The following LINGO2 variants were observed in gnomAD, a reference collection of about 807,000 sequenced individuals.
The protein encoded by LINGO2 is leucine-rich repeat and immunoglobulin-like domain-containing nogo receptor-interacting protein 2.
A neutral mutation model predicts 30.6 loss-of-function variants in LINGO2; 14 were observed. That is an observed-to-expected ratio of 0.46 (90% CI 0.30 to 0.72). LINGO2 has a LOEUF of 0.72. Ranked by LOEUF, LINGO2 falls within the 30% of genes least tolerant of loss-of-function variation. LINGO2 has a pLI of 0.07. For missense variants in LINGO2, 729 were observed against 751.7 expected (o/e 0.97, Z 0.35); for synonymous variants, 317 against 288.5 (o/e 1.10, Z -1.00).
chr9:29,055,940 G>GTGTATATATATATATGTGTATATATA, the LINGO2 span, among the ~76,000 whole-genome samples: 1 of 119,982 alleles, frequency 8.3e-6, no homozygotes, highest in Non-Finnish European at 1.8e-5. Flanking sequence ...ATGTGTGTGT[G>GTGTATATATATATATGTGTATATATA]TATATATACA....
chr9:28,957,691 T>A, the LINGO2 span, among the ~76,000 whole-genome samples: 1 of 152,144 alleles, frequency 6.6e-6, no homozygotes, highest in Non-Finnish European at 1.5e-5. Context: ...GTTTTTGTTG[T>A]TTTGATTGTT....
At chr9:28,214,846 C>A (rs527303886) in intron 4 of LINGO2, among the ~76,000 whole-genome samples, 10 of 151,708 alleles carry the variant, frequency 6.6e-5, no homozygotes, top group African/African-American at 2.4e-4. Context: ...GGAAACAAAT[C>A]AGCTTATTTC....
the LINGO2 span, among the ~76,000 whole-genome samples, chr9:29,147,962 T>C: frequency 6.6e-6 from 1 of 152,098 alleles, no homozygotes; most frequent in Non-Finnish European, 1.5e-5. Context: ...ATATTATGTA[T>C]AGCGATAGCA....
the LINGO2 span, among the ~76,000 whole-genome samples, chr9:29,050,063 T>C: frequency 6.6e-6 from 1 of 152,030 alleles, no homozygotes; most frequent in Non-Finnish European, 1.5e-5. Flanking sequence ...TATTGCTGTG[T>C]CACCCAGGCT....
intron 4 of LINGO2, among the ~76,000 whole-genome samples, chr9:28,121,555 T>A (rs1827097175): frequency 6.6e-6 from 1 of 152,182 alleles, no homozygotes; most frequent in Non-Finnish European, 1.5e-5. Flanking sequence ...CTTTTTGTGC[T>A]TGGAGCTACT....
At chr9:28,423,781 G>A (rs1021930681) in intron 2 of LINGO2, among the ~76,000 whole-genome samples, 5 of 151,960 alleles carry the variant, frequency 3.3e-5, no homozygotes, top group African/African-American at 7.3e-5. Flanking sequence ...GGTGCTTCTC[G>A]GCTTGGGTGA....
At chr9:28,765,145 C>T in the LINGO2 span, among the ~76,000 whole-genome samples, 1 of 151,952 alleles carries the variant, frequency 6.6e-6, no homozygotes, top group South Asian at 2.1e-4. Flanking sequence ...TAAAAACAAT[C>T]TTAAAATGCA....
the LINGO2 span, among the ~76,000 whole-genome samples, chr9:28,748,677 T>C: frequency 1.2e-4 from 18 of 152,156 alleles, no homozygotes; most frequent in African/African-American, 3.4e-4. Context: ...GGGTTTGTTG[T>C]TGTTGTTCTT....
chr9:29,149,720 G>A, the LINGO2 span, among the ~76,000 whole-genome samples: 1 of 152,102 alleles, frequency 6.6e-6, no homozygotes, highest in Non-Finnish European at 1.5e-5. Context: ...ACTACACAAA[G>A]ACCTCTCCAG....
chr9:28,632,805 T>G (rs1054645065), intron 1 of LINGO2, among the ~76,000 whole-genome samples: 5 of 132,384 alleles, frequency 3.8e-5, no homozygotes, highest in African/African-American at 1.1e-4. Context: ...TAGATTTATA[T>G]AGATGATCTA....
At chr9:28,259,057 T>A (rs1026221869) in intron 4 of LINGO2, among the ~76,000 whole-genome samples, 3 of 152,016 alleles carry the variant, frequency 2.0e-5, no homozygotes, top group African/African-American at 7.2e-5. Flanking sequence ...TCTCCAGAAT[T>A]AGTCTGTTTG....
intron 1 of LINGO2, among the ~76,000 whole-genome samples, chr9:28,537,165 C>A (rs1821470168): frequency 6.6e-6 from 1 of 152,102 alleles, no homozygotes; most frequent in South Asian, 2.1e-4. Flanking sequence ...GAAAAATACT[C>A]TCCCAAACAG....
chr9:28,929,765 G>T, the LINGO2 span, among the ~76,000 whole-genome samples: 1 of 152,110 alleles, frequency 6.6e-6, no homozygotes, highest in Non-Finnish European at 1.5e-5. Flanking sequence ...TTTATAGCTT[G>T]TGGAAATATA....
At chr9:28,812,280 T>A in the LINGO2 span, among the ~76,000 whole-genome samples, 12 of 152,128 alleles carry the variant, frequency 7.9e-5, no homozygotes, top group African/African-American at 2.7e-4. Flanking sequence ...AATAAGGACT[T>A]CCAACAAGTA....
the LINGO2 span, among the ~76,000 whole-genome samples, chr9:29,107,478 G>A: frequency 2.6e-5 from 4 of 152,036 alleles, no homozygotes; most frequent in South Asian, 8.3e-4. Context: ...TTCTCTTCCT[G>A]TTTTCTCCAG....
intron 4 of LINGO2, among the ~76,000 whole-genome samples, chr9:28,163,155 A>T (rs1038968508): frequency 1.3e-5 from 2 of 152,174 alleles, no homozygotes; most frequent in African/African-American, 4.8e-5. Flanking sequence ...TAATCAGAGG[A>T]GCAAGAAACT....
At position 28,186,339 on chromosome 9, in the gene LINGO2, CTGTT is replaced by C. The variant is rs560302013; in HGVS notation, c.-87+108865_-87+108868del. Among the ~76,000 whole-genome samples, 300 of 152,166 alleles carry C rather than the reference CTGTT, an allele frequency of 2.0e-3. 1 individual carries two copies. Among genetic ancestry groups the C allele is most frequent in the Middle Eastern group, 6.8e-3 (2 of 294 alleles). ...AAAAGTAGATCGATTGGCCCAGGGTCTGTTTAAGTTAAAGTAATTATAAATGGGA... is the reference window on the plus strand; with the variant it reads ...AAAAGTAGATCGATTGGCCCAGGGTCTAAGTTAAAGTAATTATAAATGGGA... On this transcript the variant is annotated intron_variant, in intron 4 of 5. Transcript: ENST00000379992.
the LINGO2 span, among the ~76,000 whole-genome samples, chr9:28,831,357 A>T: frequency 2.0e-5 from 3 of 152,226 alleles, no homozygotes; most frequent in Non-Finnish European, 4.4e-5. Flanking sequence ...TTTAACAGAC[A>T]GAAGGAAGGC....
intron 1 of LINGO2, among the ~76,000 whole-genome samples, chr9:28,615,501 A>G (rs1826097488): frequency 6.6e-6 from 1 of 152,152 alleles, no homozygotes; most frequent in Non-Finnish European, 1.5e-5. Context: ...TAGACACACA[A>G]TAAATATTTT....
Sources: gnomAD v4.1 joint callset for allele counts (sites outside exome capture counted in the v4.1 genomes callset) on GRCh38, gnomAD v4.1.1 for gene constraint, MANE v1.5 for transcripts, NCBI Gene and HGNC (gene_info 2026-07-23, HGNC 2026-07-21) for gene names.